Variants in PPP4R3B observed in about 807,000 individuals in gnomAD.
PPP4R3B encodes the protein serine/threonine-protein phosphatase 4 regulatory subunit 3B.
A neutral mutation model predicts 95.4 loss-of-function variants in PPP4R3B; 52 were observed. The observed-to-expected ratio is 0.54, with a 90% confidence interval of 0.44 to 0.69. The LOEUF (loss-of-function observed/expected upper bound fraction) is 0.69. Ranked by LOEUF, PPP4R3B falls within the 30% of genes least tolerant of loss-of-function variation. PPP4R3B has a pLI of 0.00. For missense variants in PPP4R3B, 1,003 were observed against 1,005.9 expected, an observed-to-expected ratio of 1.00 and a Z score of 0.04; for synonymous variants, 407 against 343.9, an observed-to-expected ratio of 1.18 and a Z score of -2.03.
intron 12 of PPP4R3B, among the ~76,000 whole-genome samples, chr2:55,568,939 G>A (rs2103996251): frequency 6.6e-6 from 1 of 152,252 alleles, no homozygotes; most frequent in Non-Finnish European, 1.5e-5. Context: ...AGGTGCCGAG[G>A]CAAGAGACTG....
chr2:55,597,285 G>A (rs1032664885), intron 4 of PPP4R3B, among the ~76,000 whole-genome samples: 3 of 152,034 alleles, frequency 2.0e-5, no homozygotes, highest in African/African-American at 4.8e-5. Flanking sequence ...TTGGGAGTTC[G>A]AGACCAGCCT....
At chr2:55,586,879 A>G in intron 5 of PPP4R3B, 145 bp from the exon 6 acceptor site, 1 of 489,450 alleles carries the variant, frequency 2.0e-6, no homozygotes. Flanking sequence ...TACATTAAAA[A>G]CAAATTAAAA....
intron 16 of PPP4R3B, among the ~76,000 whole-genome samples, chr2:55,557,622 A>AT (rs1262007852): frequency 6.6e-6 from 1 of 152,248 alleles, no homozygotes; most frequent in Non-Finnish European, 1.5e-5. Flanking sequence ...TCAAGAGCCT[A>AT]TCTCACTATA....
At chr2:55,586,041 A>C (rs1690091666) in intron 6 of PPP4R3B, among the ~76,000 whole-genome samples, 1 of 152,172 alleles carries the variant, frequency 6.6e-6, no homozygotes, top group African/African-American at 2.4e-5. Context: ...GGAAAAAAAA[A>C]GTAAAAAACG....
At chr2:55,573,364 T>C (rs1340775446) in intron 12 of PPP4R3B, among the ~76,000 whole-genome samples, 1 of 152,136 alleles carries the variant, frequency 6.6e-6, no homozygotes, top group Non-Finnish European at 1.5e-5. Context: ...ACTGGTTCTG[T>C]TAGTAAAATG....
At chr2:55,574,090 A>G (rs1441322957) in intron 11 of PPP4R3B, among the ~76,000 whole-genome samples, 1 of 151,180 alleles carries the variant, frequency 6.6e-6, no homozygotes, top group East Asian at 1.9e-4. Context: ...ATGGGGCCTC[A>G]CTATGTTGTC....
At chr2:55,616,244 G>C (rs955870734) in intron 1 of PPP4R3B, among the ~76,000 whole-genome samples, 1 of 152,106 alleles carries the variant, frequency 6.6e-6, no homozygotes, top group East Asian at 1.9e-4. Flanking sequence ...TAAATACTTA[G>C]TATAGAAATT....
intron 10 of PPP4R3B, 131 bp from the exon 11 acceptor site, chr2:55,577,487 T>G (rs1387284922): frequency 7.9e-6 from 8 of 1,011,038 alleles, no homozygotes; most frequent in Non-Finnish European, 1.0e-5. Context: ...CCATAAAGAC[T>G]TGGTTGCTTC....
chr2:55,586,635 C>A lies in PPP4R3B; in HGVS notation c.1099G>T (p.Ala367Ser). ...KTLAKLGILP[A>S]LEIVMGMDDL... is the part of the protein sequence containing the mutation. ...ATAATTACCATTACAATTTCAAGAG[C>A]AGGAAGAATTCCCAATTTTGCCAAT... The change falls in exon 6 of 17, where the codon GCT (alanine) becomes TCT (serine). Residue 367 changes from alanine to serine, a missense_variant. Physicochemically the swap from Ala to Ser is moderately conservative, Grantham distance 99. Transcript: ENST00000616407. 2 of 1,597,474 alleles carry A rather than the reference C, an allele frequency of 1.3e-6. No individual in the cohort carries two copies. The highest frequency in any genetic ancestry group is 1.7e-5 in the Admixed American group (1 of 58,626).
intron 7 of PPP4R3B, 144 bp from the exon 8 acceptor site, chr2:55,581,842 T>TA: frequency 1.3e-6 from 1 of 759,068 alleles, no homozygotes. Flanking sequence ...CCTCTATTCC[T>TA]AATGCTTTTG....
intron 8 of PPP4R3B, 85 bp downstream of exon 8, chr2:55,581,473 CAAATACTTA>C: frequency 7.5e-7 from 1 of 1,335,010 alleles, no homozygotes; most frequent in Non-Finnish European, 1.0e-6. Flanking sequence ...ACCAACTGGA[CAAATACTTA>C]AAATACTTGT....
At chr2:55,572,126 G>T (rs1558972718) in intron 12 of PPP4R3B, among the ~76,000 whole-genome samples, 1 of 152,022 alleles carries the variant, frequency 6.6e-6, no homozygotes, top group Non-Finnish European at 1.5e-5. Flanking sequence ...AAGTATATGT[G>T]CAAAAACAAA....
intron 2 of PPP4R3B, among the ~76,000 whole-genome samples, chr2:55,613,107 T>A (rs1261959892): frequency 6.6e-6 from 1 of 151,964 alleles, no homozygotes; most frequent in African/African-American, 2.4e-5. Context: ...GAAGACCCTC[T>A]CAAAAAAATT....
chr2:55,573,474 T>C (rs992377574), intron 12 of PPP4R3B, 145 bp downstream of exon 12: 6 of 724,012 alleles, frequency 8.3e-6, no homozygotes, highest in Non-Finnish European at 1.3e-5. Context: ...CCTAGTCCTC[T>C]TGCCCTTTAA....
intron 2 of PPP4R3B, among the ~76,000 whole-genome samples, chr2:55,605,946 T>C (rs544470761): frequency 6.7e-6 from 1 of 148,482 alleles, no homozygotes; most frequent in South Asian, 2.2e-4. Flanking sequence ...GTTTCTCTCA[T>C]CATCCACAAA....
At position 55,581,644 on chromosome 2, in the gene PPP4R3B, C is replaced by T; in HGVS notation, c.1288G>A (p.Glu430Lys). The T allele has an allele frequency of 6.2e-7, 1 of 1,613,548 alleles. No individual in the cohort carries two copies. The highest frequency in any genetic ancestry group is 8.5e-7 in the Non-Finnish European group (1 of 1,179,714). ...ATTAACTGAACAGCGCCTCCTAGCT[C>T]AGGATCAGTATCACAGATCATTTGT... Reference protein sequence around the residue: ...IEQMICDTDPELGGAVQLMGL... With the variant: ...IEQMICDTDPKLGGAVQLMGL... Residue 430 changes from glutamate to lysine, a missense_variant, in exon 8 of 17, where the codon GAG (glutamate) becomes AAG (lysine). Physicochemically the swap from Glu to Lys is moderately conservative, Grantham distance 56. Around this residue, in one of 3 missense-constraint regions of PPP4R3B, gnomAD observed 695 missense variants for 686.2 expected, o/e 1.01. Coordinates refer to ENST00000616407, the MANE Select transcript of PPP4R3B (RefSeq NM_001122964.3).
In PPP4R3B at chr2:55,549,937, T is replaced by C. The variant is rs756431092; in HGVS notation, c.2524A>G (p.Arg842Gly). Residue 842 changes from arginine (R) to glycine (G), a missense_variant, in exon 17 of 17, where the codon AGG becomes GGG. Arg to Gly is a moderately radical substitution (Grantham distance 125). Coordinates refer to ENST00000616407, the MANE Select transcript of PPP4R3B (RefSeq NM_001122964.3). Reference protein sequence around the residue: ...EEDEEEESSPRKRPRLGS With the variant: ...EEDEEEESSPGKRPRLGS ...TATGAGCCAAGACGAGGTCTTTTCC[T>C]GGGGGACGATTCTTCTTCTTCATCT... The C allele has an allele frequency of 1.9e-6, 3 of 1,613,720 alleles. No individual in the cohort carries two copies. Among genetic ancestry groups the C allele is most frequent in the Non-Finnish European group, 2.5e-6 (3 of 1,179,824 alleles).
At chr2:55,577,219 A>G in intron 11 of PPP4R3B, 96 bp downstream of exon 11, 1 of 1,418,276 alleles carries the variant, frequency 7.1e-7, no homozygotes. Flanking sequence ...TTTATGCCAA[A>G]ATATGCTTTT....
intron 11 of PPP4R3B, 110 bp from the exon 12 acceptor site, chr2:55,573,887 T>A: frequency 1.1e-4 from 15 of 131,446 alleles, no homozygotes; most frequent in South Asian, 2.8e-4. Context: ...TATTTCCTCC[T>A]TTTTTTTTTT....
Sources: gnomAD v4.1 joint callset for allele counts (sites outside exome capture counted in the v4.1 genomes callset) on GRCh38, gnomAD v4.1.1 for gene constraint, gnomAD v4.1.1 regional missense constraint, MANE v1.5 for transcripts, NCBI Gene and HGNC (gene_info 2026-07-23, HGNC 2026-07-21) for gene names.